SLC30A10: variants seen among roughly 807,000 people sequenced by gnomAD.
The protein encoded by SLC30A10 is calcium/manganese antiporter SLC30A10.
Under a neutral mutation model 21.7 loss-of-function variants are expected in SLC30A10, and 8 were observed. That is an observed-to-expected ratio of 0.37 (90% CI 0.22 to 0.67). SLC30A10 has a LOEUF of 0.67. Ranked by LOEUF, SLC30A10 falls within the 30% of genes least tolerant of loss-of-function variation. SLC30A10 has a pLI of 0.58. For synonymous variants in SLC30A10, 272 were observed against 279.4 expected, an observed-to-expected ratio of 0.97 and a Z score of 0.26; for missense variants, 521 against 642.5, an observed-to-expected ratio of 0.81 and a Z score of 2.04.
chr1:219,927,826 C>T lies in SLC30A10; in HGVS notation c.615G>A (p.Gly205=), dbSNP rs1168701349. Residue 205 remains glycine, a synonymous_variant, in exon 1 of 4, where the codon GGG becomes GGA. Coordinates refer to ENST00000366926, the MANE Select transcript of SLC30A10 (RefSeq NM_018713.3). ...GTSVERKREK[G]ATVFANVAGD... ...CTGCTACGTTTGCGAACACGGTCGC[C>T]CCCTTCTCCCGCTTCCTTTCCACCG... 3 of 1,547,668 alleles carry T rather than the reference C, an allele frequency of 1.9e-6. No homozygotes were observed. Among genetic ancestry groups the T allele is most frequent in the Admixed American group, 3.9e-5 (2 of 51,192 alleles).
intron 2 of SLC30A10, among the ~76,000 whole-genome samples, chr1:219,922,297 T>G (rs1659715823): frequency 6.9e-6 from 1 of 144,758 alleles, no homozygotes; most frequent in African/African-American, 2.6e-5. Context: ...GTAATCCTCT[T>G]GCCTCAGCCT....
chr1:219,924,356 C>G (rs192977880), intron 2 of SLC30A10, among the ~76,000 whole-genome samples: 2 of 152,300 alleles, frequency 1.3e-5, no homozygotes, highest in African/African-American at 4.8e-5. Flanking sequence ...AGGATTCCAG[C>G]CTTGTCTCTG....
chr1:219,915,691 A>T lies in SLC30A10; in HGVS notation c.1216T>A (p.Ser406Thr). 2.5e-6 allele frequency: 4 copies of T among 1,614,218 alleles called. No homozygotes were observed. Among genetic ancestry groups the T allele is most frequent in the Non-Finnish European group, 3.4e-6 (4 of 1,180,042 alleles). ...LLLLCNSPCI[S>T]KGCAKQLCCP... is the part of the protein sequence containing the mutation. Reference sequence around the variant, plus strand: ...CACAGCTGCTTAGCACAGCCCTTGGAGATGCAGGGTGAGTTGCAGAGCAAC... The same window carrying T: ...CACAGCTGCTTAGCACAGCCCTTGGTGATGCAGGGTGAGTTGCAGAGCAAC... Residue 406 changes from serine (S) to threonine (T), a missense_variant, in exon 4 of 4, where the codon TCC (serine) becomes ACC (threonine). Coordinates refer to ENST00000366926, the MANE Select transcript of SLC30A10 (RefSeq NM_018713.3).
chr1:219,939,431 CCT>C (rs946379861), intron 1 of SLC30A10, among the ~76,000 whole-genome samples: 3 of 151,772 alleles, frequency 2.0e-5, no homozygotes, highest in Non-Finnish European at 4.4e-5. Context: ...TCTTTTTTTT[CCT>C]TTTTTTTTCT....
In SLC30A10 at chr1:219,918,166, C is replaced by T. The variant is rs569305053; in HGVS notation, c.958+89G>A. On this transcript the variant is annotated intron_variant, in intron 3 of 3. Transcript: ENST00000366926. The surrounding 1 kb of genome is among the most constrained non-coding windows in gnomAD (Gnocchi z 4.4). ...ATTTAAGGTGTTTCAGAATACATAACTCAAACACTGCTCTTAAATAATGCT... is the reference window on the plus strand; with the variant it reads ...ATTTAAGGTGTTTCAGAATACATAATTCAAACACTGCTCTTAAATAATGCT... The T allele has an allele frequency of 6.6e-7, 1 of 1,522,574 alleles. No homozygotes were observed. The highest frequency in any genetic ancestry group is 8.9e-7 in the Non-Finnish European group (1 of 1,122,134). The allele number at this position is 1,522,574 out of a possible 1,614,324, so 94.3% of individuals were successfully genotyped here. A position where few individuals can be genotyped will look rare whatever the true frequency, so the allele number is the denominator to read the frequency against.
At position 219,914,049 on chromosome 1, in the gene SLC30A10, C is replaced by A. The variant is rs1169077601; in HGVS notation, c.*1400G>T. The A allele has an allele frequency of 6.6e-6, 1 of 152,064 alleles. No individual in the cohort carries two copies. Among genetic ancestry groups the A allele is most frequent in the Non-Finnish European group, 1.5e-5 (1 of 68,034 alleles). The allele number at this position is 152,064 out of a possible 1,614,324, so 9.4% of individuals were successfully genotyped here. On this transcript the variant is annotated 3_prime_UTR_variant, in exon 4 of 4. Coordinates refer to ENST00000366926, the MANE Select transcript of SLC30A10 (RefSeq NM_018713.3). Reference sequence around the variant, plus strand: ...CTGTGGATGCTGCCTTCATTATCAACCCAGCACCTCTGAAAAACCCTGTGC... The same window carrying A: ...CTGTGGATGCTGCCTTCATTATCAAACCAGCACCTCTGAAAAACCCTGTGC...
chr1:219,938,114 T>C (rs10495141), intron 1 of SLC30A10, among the ~76,000 whole-genome samples: 9,278 of 152,252 alleles, frequency 0.061, 749 homozygotes, highest in African/African-American at 0.19. Flanking sequence ...CCATGTTGGA[T>C]CTTTGCTGAT....
chr1:219,955,478 T>G (rs970981576), intron 1 of SLC30A10, among the ~76,000 whole-genome samples: 1 of 152,216 alleles, frequency 6.6e-6, no homozygotes, highest in Non-Finnish European at 1.5e-5. Flanking sequence ...AAAAATTTTC[T>G]GGTTCTGTAT....
At chr1:219,936,036 T>C (rs1660040426) in intron 1 of SLC30A10, among the ~76,000 whole-genome samples, 1 of 152,190 alleles carries the variant, frequency 6.6e-6, no homozygotes, top group South Asian at 2.1e-4. Context: ...GGCAGAAAAG[T>C]AGAGAGAATC....
In SLC30A10 at chr1:219,928,263, T is replaced by G. The variant is rs200960734; in HGVS notation, c.178A>C (p.Ile60Leu). Residue 60 changes from isoleucine to leucine, a missense_variant, in exon 1 of 4, where the codon ATC (isoleucine) becomes CTC (leucine). Physicochemically the swap from Ile to Leu is conservative, Grantham distance 5 (BLOSUM62 2). Transcript: ENST00000366926. This position sits in a 1 kb window ranked among gnomAD's most constrained non-coding sequence, Gnocchi z 6.3. ...SLCVGLSAGY[I>L]ARRPTRGFSA... is the part of the protein sequence containing the mutation. ...AAGCCCCGGGTGGGGCGCCGGGCGA[T>G]GTAGCCGGCGCTCAGGCCCACGCAC... 1.2e-4 allele frequency: 184 copies of G among 1,590,938 alleles called. No individual in the cohort carries two copies. In the African/African-American group the frequency reaches 2.2e-3, roughly 19 times the overall value.
Position 219,915,944 on chromosome 1 carries a change from A to G in SLC30A10, c.963T>C (p.Ser321=), listed in dbSNP as rs751200217. 3 of 1,611,888 alleles carry G rather than the reference A, an allele frequency of 1.9e-6. No individual in the cohort carries two copies. The highest frequency in any genetic ancestry group is 2.5e-6 in the Non-Finnish European group (3 of 1,179,170). ...PKGVNMEELM[S]KLSAVPGISS... Reference sequence around the variant, plus strand: ...TAATTCCAGGCACAGCAGAGAGTTTACTCACTATAACAGAGAAGAGCAAAC... The same window carrying G: ...TAATTCCAGGCACAGCAGAGAGTTTGCTCACTATAACAGAGAAGAGCAAAC... Residue 321 remains serine, a synonymous_variant, in exon 4 of 4, where the codon AGT becomes AGC. Transcript: ENST00000366926.
upstream of SLC30A10, among the ~76,000 whole-genome samples, chr1:219,929,191 C>T (rs1244546507): frequency 6.6e-6 from 1 of 152,216 alleles, no homozygotes; most frequent in Non-Finnish European, 1.5e-5. Flanking sequence ...AGGATCGTTC[C>T]TATTACCCAC....
At chr1:219,927,729 G>T in intron 1 of SLC30A10, 72 bp downstream of exon 1, 1 of 1,360,596 alleles carries the variant, frequency 7.3e-7, no homozygotes, top group East Asian at 3.1e-5. Flanking sequence ...AGGGCGTGGG[G>T]TGAGAAGAAA....
intron 2 of SLC30A10, among the ~76,000 whole-genome samples, chr1:219,924,343 C>G (rs543742627): frequency 6.6e-6 from 1 of 152,240 alleles, no homozygotes; most frequent in South Asian, 2.1e-4. Flanking sequence ...GATGTAGGAG[C>G]CCAGGATTCC....
rs1659430213 is a variant in SLC30A10 at position 219,912,198 on chromosome 1, A to AT, written c.*3250_*3251insA. On this transcript the variant is annotated 3_prime_UTR_variant, in exon 4 of 4. Coordinates refer to ENST00000366926, the MANE Select transcript of SLC30A10 (RefSeq NM_018713.3). Reference sequence around the variant, plus strand: ...AAAAAAAAAAAAAAAAAAAAAAAAGAACTAAATATGGAGAATATTCTTAAT... The same window carrying AT: ...AAAAAAAAAAAAAAAAAAAAAAAAGATACTAAATATGGAGAATATTCTTAAT... Among the ~76,000 whole-genome samples the AT allele has an allele frequency of 1.4e-4, 18 of 133,046 alleles. 1 individual carries two copies. Among genetic ancestry groups the AT allele is most frequent in the South Asian group, 4.8e-4 (2 of 4,128 alleles). The allele number at this position is 133,046 out of a possible 152,430, so 87.3% of individuals were successfully genotyped here. A position where few individuals can be genotyped will look rare whatever the true frequency, so the allele number is the denominator to read the frequency against.
intron 1 of SLC30A10, among the ~76,000 whole-genome samples, chr1:219,946,328 C>T (rs1660186240): frequency 6.6e-6 from 1 of 152,120 alleles, no homozygotes; most frequent in Non-Finnish European, 1.5e-5. Flanking sequence ...TCTAAATTGC[C>T]AAACCTGTTC....
rs368401280 is a variant in SLC30A10 at position 219,948,793 on chromosome 1, C to T, written n.80+9775G>A. ...TAATTAAACTAAAGAGCTTCTGCAC[C>T]GCAAAAGAAACTACCATCAGAGTGA... On this transcript the variant is annotated intron_variant and non_coding_transcript_variant, in intron 1 of 8. Coordinates refer to the SLC30A10 transcript ENST00000484239. 7.2e-3 allele frequency among the ~76,000 whole-genome samples: 1,088 copies of T among 151,856 alleles called. 9 individuals are homozygous for T. The highest frequency in any genetic ancestry group is 0.01 in the Non-Finnish European group (685 of 67,948).
Position 219,927,905 on chromosome 1 carries a change from G to T in SLC30A10, c.536C>A (p.Ala179Glu), listed in dbSNP as rs1225352684. The change falls in exon 1 of 4, where the codon GCG (alanine) becomes GAG (glutamate). Residue 179 changes from alanine (A) to glutamate (E), a missense_variant. Physicochemically the swap from Ala to Glu is moderately radical, Grantham distance 107 (BLOSUM62 -1). Coordinates refer to ENST00000366926, the MANE Select transcript of SLC30A10 (RefSeq NM_018713.3). ...GPQGAEDPRRAADPTAPGSDS... is the reference protein window; with the variant it reads ...GPQGAEDPRREADPTAPGSDS... ...CGAGCCTGGGGCTGTCGGGTCCGCC[G>T]CGCGCCGCGGGTCCTCCGCGCCCTG... The T allele has an allele frequency of 6.5e-7, 1 of 1,538,166 alleles. No individual in the cohort carries two copies. The highest frequency in any genetic ancestry group is 8.8e-7 in the Non-Finnish European group (1 of 1,142,340).
At chr1:219,929,183 G>C (rs1379967055), upstream of SLC30A10, among the ~76,000 whole-genome samples, 5 of 152,320 alleles carry the variant, frequency 3.3e-5, no homozygotes, top group South Asian at 6.2e-4. Flanking sequence ...AACGGTGCAG[G>C]ATCGTTCCTA....
Sources: gnomAD v4.1 joint callset for allele counts (sites outside exome capture counted in the v4.1 genomes callset) on GRCh38, gnomAD v4.1.1 for gene constraint, Gnocchi (gnomAD v3.1) non-coding constraint, MANE v1.5 for transcripts, NCBI Gene and HGNC (gene_info 2026-07-23, HGNC 2026-07-21) for gene names.